The following CPNE1 variants were observed in gnomAD, a reference collection of about 807,000 sequenced individuals.
CPNE1 encodes copine 1.
CPNE1 carries 58 observed loss-of-function variants against 63.2 expected under a neutral mutation model. The ratio of observed to expected loss-of-function variants is 0.92; its 90% CI spans 0.74 to 1.14. CPNE1 has a LOEUF of 1.14. CPNE1 is among the 50% of genes most tolerant of loss of function. CPNE1 has a pLI of 0.00. For synonymous variants in CPNE1, 237 were observed against 249.0 expected, an observed-to-expected ratio of 0.95 and a Z score of 0.45; for missense variants, 672 against 661.7, an observed-to-expected ratio of 1.02 and a Z score of -0.17.
At chr20:35,663,510 ACTGACT>A (rs2034349120) in intron 1 of CPNE1, among the ~76,000 whole-genome samples, 1 of 152,180 alleles carries the variant, frequency 6.6e-6, no homozygotes, top group Non-Finnish European at 1.5e-5. Flanking sequence ...AGTGGGTTAT[ACTGACT>A]CTATTATTGA....
intron 1 of CPNE1, among the ~76,000 whole-genome samples, chr20:35,639,758 T>A (rs755562602): frequency 1.3e-5 from 2 of 152,226 alleles, no homozygotes; most frequent in Non-Finnish European, 2.9e-5. Context: ...GGAGCTGCTG[T>A]CTTCTCACTC....
chr20:35,627,974 C>T (rs1601415512), intron 13 of CPNE1, among the ~76,000 whole-genome samples: 1 of 145,478 alleles, frequency 6.9e-6, no homozygotes, highest in Non-Finnish European at 1.5e-5. Context: ...GTGAGACCCC[C>T]GTCACTTAAA....
At chr20:35,655,204 A>C in intron 1 of CPNE1, 1 of 1,614,146 alleles carries the variant, frequency 6.2e-7, no homozygotes, top group Non-Finnish European at 8.5e-7. Flanking sequence ...AGCCTCACCC[A>C]GTTCACCCCC....
Position 35,632,704 on chromosome 20 carries a change from C to A in CPNE1, c.130-8G>T, listed in dbSNP as rs997585047. The A allele has an allele frequency of 1.1e-6, 1 of 931,582 alleles. No individual in the cohort carries two copies. Among genetic ancestry groups the A allele is most frequent in the Non-Finnish European group, 1.8e-6 (1 of 555,660 alleles). 57.7% of individuals were successfully genotyped at this position (931,582 alleles called of 1,614,324 possible). On this transcript the variant is annotated splice_region_variant and splice_polypyrimidine_tract_variant and intron_variant, in intron 2 of 15. Coordinates refer to ENST00000397443, the MANE Select transcript of CPNE1 (RefSeq NM_152925.3). ...CCGTTCAGTCCGGCCAAGCTGTGGG[C>A]AGAGGCCAGTAAGCATCACAGTCAC...
chr20:35,654,114 G>A (rs377668053), intron 1 of CPNE1: 8 of 1,614,070 alleles, frequency 5.0e-6, no homozygotes, highest in African/African-American at 2.7e-5. Context: ...TCTGAGGAGG[G>A]GGATGAGTTT....
At chr20:35,639,270 G>A (rs751808411) in intron 1 of CPNE1, among the ~76,000 whole-genome samples, 4 of 152,066 alleles carry the variant, frequency 2.6e-5, no homozygotes, top group Admixed American at 6.6e-5. Context: ...CTGAAATGGC[G>A]GATATATGGG....
intron 1 of CPNE1, among the ~76,000 whole-genome samples, chr20:35,634,804 T>C (rs946875028): frequency 6.6e-6 from 1 of 151,710 alleles, no homozygotes; most frequent in Non-Finnish European, 1.5e-5. Flanking sequence ...AGTGGTGAGA[T>C]CTCAGCTCAC....
At chr20:35,643,163 G>C (rs1421645400) in intron 1 of CPNE1, 2 of 159,118 alleles carry the variant, frequency 1.3e-5, no homozygotes, top group African/African-American at 4.8e-5. Context: ...ATCTGGCTGT[G>C]ACATCTGTCA....
At chr20:35,658,394 T>G (rs1248621232) in intron 1 of CPNE1, among the ~76,000 whole-genome samples, 1 of 152,160 alleles carries the variant, frequency 6.6e-6, no homozygotes, top group African/African-American at 2.4e-5. Flanking sequence ...TCCATATAAA[T>G]GAAATTGACC....
At chr20:35,647,978 T>A (rs2033240227) in intron 1 of CPNE1, among the ~76,000 whole-genome samples, 1 of 148,822 alleles carries the variant, frequency 6.7e-6, no homozygotes, top group East Asian at 2.0e-4. Flanking sequence ...GGCAGGAGAA[T>A]CGCTTGAACC....
intron 1 of CPNE1, among the ~76,000 whole-genome samples, chr20:35,657,568 G>A (rs1470676389): frequency 6.6e-6 from 1 of 152,164 alleles, no homozygotes; most frequent in Non-Finnish European, 1.5e-5. Context: ...GACATACACA[G>A]TTAAGTCTTC....
At chr20:35,655,632 C>T (rs1259539752) in intron 1 of CPNE1, among the ~76,000 whole-genome samples, 3 of 152,180 alleles carry the variant, frequency 2.0e-5, no homozygotes, top group Non-Finnish European at 2.9e-5. Flanking sequence ...ACATATACAT[C>T]ATTCAGACCA....
intron 1 of CPNE1, chr20:35,652,857 T>G (rs774042948): frequency 6.2e-7 from 1 of 1,610,938 alleles, no homozygotes. Flanking sequence ...CAAAAGCTGG[T>G]GGCCCACCCA....
chr20:35,642,579 T>C (rs2032874756), intron 1 of CPNE1, among the ~76,000 whole-genome samples: 1 of 152,206 alleles, frequency 6.6e-6, no homozygotes, highest in Non-Finnish European at 1.5e-5. Flanking sequence ...CTCTTCTTTT[T>C]CCTTTTTGGC....
intron 1 of CPNE1, chr20:35,652,878 G>C: frequency 1.2e-6 from 2 of 1,613,328 alleles, no homozygotes; most frequent in Non-Finnish European, 1.7e-6. Context: ...AATGCCCAGG[G>C]GCACTTCCAA....
At chr20:35,630,092 G>A (rs995534471) in intron 13 of CPNE1, among the ~76,000 whole-genome samples, 36 of 152,040 alleles carry the variant, frequency 2.4e-4, no homozygotes, top group African/African-American at 8.2e-4. Flanking sequence ...TCAGGAATTC[G>A]AGACCACCCT....
At chr20:35,660,608 G>GA (rs1457228579) in intron 1 of CPNE1, among the ~76,000 whole-genome samples, 1 of 152,114 alleles carries the variant, frequency 6.6e-6, no homozygotes. Flanking sequence ...ATGTGAAACA[G>GA]AAAAAAACCT....
At chr20:35,662,025 T>C (rs2034256419) in intron 1 of CPNE1, among the ~76,000 whole-genome samples, 1 of 152,204 alleles carries the variant, frequency 6.6e-6, no homozygotes, top group African/African-American at 2.4e-5. Context: ...TTTCAGCCAC[T>C]TGATTTTGTT....
At chr20:35,653,718 TG>T in intron 1 of CPNE1, 1 of 1,614,228 alleles carries the variant, frequency 6.2e-7, no homozygotes, top group Non-Finnish European at 8.5e-7. Context: ...CATCCCCCTC[TG>T]GATTTAGTAT....
Sources: allele counts gnomAD v4.1 joint callset (sites outside exome capture counted in the v4.1 genomes callset), GRCh38; gene constraint gnomAD v4.1.1; transcripts MANE v1.5; gene names NCBI Gene and HGNC (gene_info 2026-07-23, HGNC 2026-07-21).